Variants in LTBP2 observed in about 807,000 individuals in gnomAD.
LTBP2 encodes latent-transforming growth factor beta-binding protein 2.
LTBP2 carries 103 observed loss-of-function variants against 210.6 expected under a neutral mutation model. The ratio of observed to expected loss-of-function variants is 0.49; its 90% CI spans 0.42 to 0.58. The LOEUF (loss-of-function observed/expected upper bound fraction) is 0.58. LTBP2 is among the 20% of genes least tolerant of loss of function. The pLI is 0.00. For synonymous variants in LTBP2, 1,007 were observed against 1,015.0 expected (o/e 0.99, Z 0.15); for missense variants, 2,313 against 2,494.5 (o/e 0.93, Z 1.55).
Position 74,552,895 on chromosome 14 carries a change from T to A in LTBP2, c.1189A>T (p.Ile397Phe). Reference protein sequence around the residue: ...HGHDPKSGFRIYFCQIPCLNG... With the variant: ...HGHDPKSGFRFYFCQIPCLNG... ...TCTGAGCAGGAAAGGGACTCACAGA[T>A]GCGGAAGCCAGACTTGGGATCGTGC... Residue 397 changes from isoleucine to phenylalanine, a missense_variant, in exon 5 of 36, where the codon ATC becomes TTC. Physicochemically the swap from Ile to Phe is conservative, Grantham distance 21. Around this residue, in one of 3 missense-constraint regions of LTBP2, gnomAD observed 1,867 missense variants for 1,976.9 expected, o/e 0.94. Coordinates refer to ENST00000261978, the MANE Select transcript of LTBP2 (RefSeq NM_000428.3). 6.2e-7 allele frequency: 1 copy of A among 1,612,456 alleles called. No individual in the cohort carries two copies.
rs531691713 is a variant in LTBP2, at chr14:74,535,643, A to T, written c.1864+283T>A. On this transcript the variant is annotated intron_variant, in intron 9 of 35. Coordinates refer to ENST00000261978, the MANE Select transcript of LTBP2 (RefSeq NM_000428.3). ...ACAGACTGGGGTGGCCCCTTCAGACACAGCCCCACATAGCCTAGAGCCCCT... is the reference window on the plus strand; with the variant it reads ...ACAGACTGGGGTGGCCCCTTCAGACTCAGCCCCACATAGCCTAGAGCCCCT... Among the ~76,000 whole-genome samples, 3 of 152,294 alleles carry T rather than the reference A, an allele frequency of 2.0e-5. No homozygotes were observed. In the South Asian group the frequency reaches 6.2e-4, roughly 32 times the overall value.
At chr14:74,504,208 T>G (rs2086953237) in intron 30 of LTBP2, among the ~76,000 whole-genome samples, 154 bp from the exon 31 acceptor site, 1 of 152,218 alleles carries the variant, frequency 6.6e-6, no homozygotes, top group Non-Finnish European at 1.5e-5. Context: ...TGCCTCCGGT[T>G]CCTACATACT....
At chr14:74,544,685 G>A (rs932926800) in intron 8 of LTBP2, among the ~76,000 whole-genome samples, 1 of 152,102 alleles carries the variant, frequency 6.6e-6, no homozygotes, top group African/African-American at 2.4e-5. Context: ...CTGTTGGAAG[G>A]TTCAAATACA....
chr14:74,557,026 T>C (rs558502513), intron 3 of LTBP2, among the ~76,000 whole-genome samples: 63 of 151,892 alleles, frequency 4.1e-4, no homozygotes, highest in African/African-American at 1.5e-3. Context: ...CTTTGGGAGG[T>C]CCATGCGGGC....
At position 74,508,622 on chromosome 14, in the gene LTBP2, C is replaced by T. The variant is rs200532538; in HGVS notation, c.3634G>A (p.Gly1212Arg). The T allele has an allele frequency of 2.5e-6, 4 of 1,609,752 alleles. No individual in the cohort carries two copies. Among genetic ancestry groups the T allele is most frequent in the South Asian group, 2.2e-5 (2 of 91,060 alleles). ...TTCTCACCCTGGCAGCTGGTGCCCC[C>T]CTCTGCGCTGACGAAGCCAGGCGCG... ...LCAPGFVSAE[G>R]GTSCQDVDEC... Residue 1212 changes from glycine (G) to arginine (R), a missense_variant, in exon 24 of 36, where the codon GGG becomes AGG. By Grantham distance (125) the Gly-to-Arg change is moderately radical. Transcript: ENST00000261978.
At chr14:74,546,768 C>A (rs1481282280) in intron 8 of LTBP2, among the ~76,000 whole-genome samples, 1 of 152,250 alleles carries the variant, frequency 6.6e-6, no homozygotes, top group Non-Finnish European at 1.5e-5. Context: ...GAACCGAGCT[C>A]ACCAGCTGTA....
chr14:74,503,847 G>T, intron 31 of LTBP2, 79 bp downstream of exon 31: 1 of 1,588,562 alleles, frequency 6.3e-7, no homozygotes, highest in South Asian at 1.1e-5. Context: ...AGCAATAATG[G>T]GACTGGCTGG....
At chr14:74,608,824 G>A (rs1163312237) in intron 1 of LTBP2, among the ~76,000 whole-genome samples, 1 of 151,870 alleles carries the variant, frequency 6.6e-6, no homozygotes, top group Non-Finnish European at 1.5e-5. Context: ...GTCCACTCTG[G>A]TCACTGCTGT....
At chr14:74,590,656 A>T (rs890087041) in intron 2 of LTBP2, among the ~76,000 whole-genome samples, 1 of 152,380 alleles carries the variant, frequency 6.6e-6, no homozygotes, top group African/African-American at 2.4e-5. Flanking sequence ...TTACTCAGTC[A>T]TAGAAAAGAA....
chr14:74,590,874 A>G (rs1255665746), intron 2 of LTBP2, among the ~76,000 whole-genome samples: 1 of 151,748 alleles, frequency 6.6e-6, no homozygotes, highest in African/African-American at 2.4e-5. Context: ...GCGGAAAAAA[A>G]ACTACATATT....
chr14:74,565,842 A>G (rs935415462), intron 3 of LTBP2, among the ~76,000 whole-genome samples: 22 of 152,308 alleles, frequency 1.4e-4, no homozygotes, highest in Admixed American at 1.1e-3. Context: ...ACGTTTTCCA[A>G]TTTAAAAGGG....
chr14:74,567,230 G>T (rs1253884680), intron 3 of LTBP2, among the ~76,000 whole-genome samples: 1 of 152,146 alleles, frequency 6.6e-6, no homozygotes, highest in African/African-American at 2.4e-5. Flanking sequence ...AGGGTCCAGA[G>T]ACTCCTAGGA....
At chr14:74,543,556 TC>T (rs1718201309) in intron 8 of LTBP2, among the ~76,000 whole-genome samples, 1 of 148,538 alleles carries the variant, frequency 6.7e-6, no homozygotes, top group African/African-American at 2.5e-5. Flanking sequence ...CTCCCTCCCT[TC>T]CTTCCTCCCT....
chr14:74,537,376 A>G (rs555513790), intron 8 of LTBP2, among the ~76,000 whole-genome samples: 121 of 152,346 alleles, frequency 7.9e-4, no homozygotes, highest in African/African-American at 2.8e-3. Context: ...TCTTTTGCCT[A>G]TAGATAGCCA....
At chr14:74,610,827 C>T (rs2088595338) in intron 1 of LTBP2, among the ~76,000 whole-genome samples, 1 of 152,248 alleles carries the variant, frequency 6.6e-6, no homozygotes, top group South Asian at 2.1e-4. Context: ...ATTCTCCACG[C>T]GCCCACTGTG....
At chr14:74,554,621 C>T (rs964725892) in intron 4 of LTBP2, among the ~76,000 whole-genome samples, 7 of 151,974 alleles carry the variant, frequency 4.6e-5, no homozygotes, top group Admixed American at 1.3e-4. Flanking sequence ...TCTATAGAGA[C>T]GGGAAATAGG....
intron 3 of LTBP2, among the ~76,000 whole-genome samples, chr14:74,566,340 T>C (rs1434034751): frequency 6.6e-6 from 1 of 152,154 alleles, no homozygotes; most frequent in Non-Finnish European, 1.5e-5. Flanking sequence ...GCCAGAGGAA[T>C]AGGAAGGATC....
At chr14:74,603,974 G>A (rs1057195334) in intron 1 of LTBP2, among the ~76,000 whole-genome samples, 7 of 152,048 alleles carry the variant, frequency 4.6e-5, no homozygotes, top group Admixed American at 3.9e-4. Context: ...AATGAGGTGA[G>A]AATGTTTAAC....
chr14:74,537,653 C>T (rs1191999313), intron 8 of LTBP2, among the ~76,000 whole-genome samples: 1 of 152,222 alleles, frequency 6.6e-6, no homozygotes, highest in East Asian at 1.9e-4. Flanking sequence ...TTTGCTAAAG[C>T]TTATTGTCAT....
Sources: gnomAD v4.1 joint callset for allele counts (sites outside exome capture counted in the v4.1 genomes callset) on GRCh38, gnomAD v4.1.1 for gene constraint, gnomAD v4.1.1 regional missense constraint, MANE v1.5 for transcripts, NCBI Gene and HGNC (gene_info 2026-07-23, HGNC 2026-07-21) for gene names.